Variants in ANKRD45 observed in about 807,000 individuals in gnomAD.
ANKRD45 encodes the protein ankyrin repeat domain 45, also known as ankyrin repeat domain-containing protein 45.
Under a neutral mutation model 28.1 loss-of-function variants are expected in ANKRD45, and 21 were observed. The ratio of observed to expected loss-of-function variants is 0.75; its 90% CI spans 0.53 to 1.08. The LOEUF is 1.08. Among genes scored for constraint, ANKRD45 ranks in the 50% least tolerant of loss-of-function variants. ANKRD45 has a pLI of 0.00. For missense variants in ANKRD45, 261 were observed against 308.7 expected (o/e 0.85, Z 1.16); for synonymous variants, 86 against 103.9 (o/e 0.83, Z 1.05).
At chr1:173,630,810 ACT>A (rs1435884988) in intron 3 of ANKRD45, among the ~76,000 whole-genome samples, 1 of 129,728 alleles carries the variant, frequency 7.7e-6, no homozygotes, top group Non-Finnish European at 1.6e-5. Flanking sequence ...ACAGAGTAAG[ACT>A]CTGTCTAAAA....
At chr1:173,691,325 G>C in the ANKRD45 span, among the ~76,000 whole-genome samples, 119,389 of 152,178 alleles carry the variant, frequency 0.78, 48,023 homozygotes, top group East Asian at 0.99. Flanking sequence ...GAGGCCGCCA[G>C]AAGGGGGCGG....
intron 1 of ANKRD45, chr1:173,667,549 C>A (rs750985884): frequency 3.8e-5 from 9 of 234,740 alleles, no homozygotes; most frequent in Non-Finnish European, 5.1e-5. Context: ...TAAAAACACA[C>A]AAAAAAATTA....
chr1:173,701,911 A>C, the ANKRD45 span, among the ~76,000 whole-genome samples: 1 of 148,106 alleles, frequency 6.8e-6, no homozygotes, highest in African/African-American at 2.6e-5. Context: ...CGAAGCTCAC[A>C]ATAATAATAT....
At chr1:173,640,610 A>T (rs750103713) in intron 3 of ANKRD45, among the ~76,000 whole-genome samples, 1 of 152,078 alleles carries the variant, frequency 6.6e-6, no homozygotes, top group African/African-American at 2.4e-5. Context: ...ACTAAGTCTG[A>T]CTCACCTCAG....
At chr1:173,655,902 C>G (rs188097249) in intron 2 of ANKRD45, among the ~76,000 whole-genome samples, 1 of 152,224 alleles carries the variant, frequency 6.6e-6, no homozygotes, top group African/African-American at 2.4e-5. Flanking sequence ...GCATGGGACC[C>G]GCCAAGCCAG....
chr1:173,613,616 G>A (rs1457211862), intron 5 of ANKRD45, among the ~76,000 whole-genome samples: 2 of 124,390 alleles, frequency 1.6e-5, no homozygotes, highest in Non-Finnish European at 3.1e-5. Context: ...GTCAGCCCAC[G>A]CCCGGCCAGC....
In ANKRD45 at chr1:173,659,322, T is replaced by C; in HGVS notation, c.97A>G (p.Thr33Ala). The C allele has an allele frequency of 6.2e-7, 1 of 1,613,478 alleles. No individual in the cohort carries two copies. Among genetic ancestry groups the C allele is most frequent in the Non-Finnish European group, 8.5e-7 (1 of 1,179,714 alleles). The change falls in exon 2 of 6, where the codon ACA becomes GCA. Residue 33 changes from threonine (T) to alanine (A), a missense_variant. Transcript: ENST00000333279. The stretch of plus-strand genomic sequence containing the variant: ...TGTAAAAGGGGGTTCTTAGGGCCTG[T>C]TTCCTCTGGTTCTTGGGCTTCTTCT... Reference protein sequence around the residue: ...EEEEAQEPEETGPKNPLLQPA... With the variant: ...EEEEAQEPEEAGPKNPLLQPA...
intron 2 of ANKRD45, chr1:173,658,752 ATATT>A (rs1352585837): frequency 1.2e-5 from 2 of 170,164 alleles, no homozygotes; most frequent in African/African-American, 4.7e-5. Context: ...AAGCACTAAA[ATATT>A]TATTTTATCC....
the ANKRD45 span, among the ~76,000 whole-genome samples, chr1:173,683,015 C>T: frequency 6.6e-6 from 1 of 151,868 alleles, no homozygotes; most frequent in Non-Finnish European, 1.5e-5. Context: ...TTAGCCACTA[C>T]AGAGGCCTTG....
chr1:173,704,806 G>T, the ANKRD45 span, among the ~76,000 whole-genome samples: 2 of 152,184 alleles, frequency 1.3e-5, no homozygotes, highest in Non-Finnish European at 2.9e-5. Context: ...ATTCTGAGAT[G>T]GAGTTTAGTA....
At chr1:173,684,350 T>TA in the ANKRD45 span, among the ~76,000 whole-genome samples, 1 of 152,204 alleles carries the variant, frequency 6.6e-6, no homozygotes, top group African/African-American at 2.4e-5. Flanking sequence ...AACTTTTTTT[T>TA]AACATGTCTT....
chr1:173,696,880 G>C, the ANKRD45 span, among the ~76,000 whole-genome samples: 1 of 152,126 alleles, frequency 6.6e-6, no homozygotes, highest in South Asian at 2.1e-4. Context: ...AGCTAAAGGA[G>C]CATGTTCAAA....
chr1:173,651,852 T>A (rs956475998), intron 2 of ANKRD45, among the ~76,000 whole-genome samples: 1 of 152,172 alleles, frequency 6.6e-6, no homozygotes, highest in African/African-American at 2.4e-5. Flanking sequence ...ATTCTCTTTG[T>A]AGCAATTGTG....
chr1:173,663,407 T>G (rs982482393), intron 1 of ANKRD45, among the ~76,000 whole-genome samples: 2 of 152,184 alleles, frequency 1.3e-5, no homozygotes, highest in Non-Finnish European at 2.9e-5. Flanking sequence ...TTCCCTTGGT[T>G]TCCTCATTTT....
At chr1:173,711,390 G>C in the ANKRD45 span, among the ~76,000 whole-genome samples, 171 of 152,336 alleles carry the variant, frequency 1.1e-3, no homozygotes, top group African/African-American at 4.0e-3. Flanking sequence ...ATGAACTTTG[G>C]TTCCGTTTGG....
intron 5 of ANKRD45, among the ~76,000 whole-genome samples, chr1:173,615,157 G>A (rs1032186555): frequency 4.6e-5 from 7 of 151,914 alleles, no homozygotes; most frequent in Middle Eastern, 6.8e-3. Context: ...CAGACCGGGC[G>A]CGGTGGCTCA....
chr1:173,678,471 T>A, the ANKRD45 span, among the ~76,000 whole-genome samples: 1 of 152,190 alleles, frequency 6.6e-6, no homozygotes, highest in Non-Finnish European at 1.5e-5. Context: ...CCCACATGAT[T>A]ATCTCAATAG....
At position 173,659,437 on chromosome 1, in the gene ANKRD45, T is replaced by C; in HGVS notation, c.-15-4A>G. 2 of 1,503,600 alleles carry C rather than the reference T, an allele frequency of 1.3e-6. No homozygotes were observed. Among genetic ancestry groups the C allele is most frequent in the South Asian group, 1.4e-5 (1 of 69,458 alleles). 93.1% of individuals were successfully genotyped at this position (1,503,600 alleles called of 1,614,324 possible). ...ACTCCATTAACTCCAAAAATACCTA[T>C]GACCAAAAAAATAAAAAAGTGATAA... On this transcript the variant is annotated splice_polypyrimidine_tract_variant and splice_region_variant and intron_variant, in intron 1 of 5. Transcript: ENST00000333279.
At chr1:173,680,879 C>T in the ANKRD45 span, among the ~76,000 whole-genome samples, 748 of 151,688 alleles carry the variant, frequency 4.9e-3, 9 homozygotes, top group Admixed American at 0.011. Context: ...AAACCAAACA[C>T]CTCATGTTCT....
Sources: allele counts gnomAD v4.1 joint callset (sites outside exome capture counted in the v4.1 genomes callset), GRCh38; gene constraint gnomAD v4.1.1; transcripts MANE v1.5; gene names NCBI Gene and HGNC (gene_info 2026-07-23, HGNC 2026-07-21).